Variants in MACROD2 observed in about 807,000 individuals in gnomAD.
The protein encoded by MACROD2 is ADP-ribose glycohydrolase MACROD2.
In MACROD2, 36 loss-of-function variants were observed where a neutral mutation model predicts 70.4. The ratio of observed to expected loss-of-function variants is 0.51; its 90% CI spans 0.39 to 0.68. MACROD2 has a LOEUF of 0.68. MACROD2 is among the 30% of genes least tolerant of loss of function. MACROD2 has a pLI of 0.00. For synonymous variants in MACROD2, 172 were observed against 178.8 expected (o/e 0.96, Z 0.30); for missense variants, 496 against 538.4 (o/e 0.92, Z 0.78).
chr20:14,543,581 A>C (rs1291397023), intron 4 of MACROD2, among the ~76,000 whole-genome samples: 3 of 152,174 alleles, frequency 2.0e-5, no homozygotes, highest in Non-Finnish European at 2.9e-5. Context: ...TCTTCCATAC[A>C]TTTAGAAACT....
chr20:16,003,693 C>G (rs1175266735), intron 15 of MACROD2, among the ~76,000 whole-genome samples: 1 of 152,106 alleles, frequency 6.6e-6, no homozygotes, highest in East Asian at 1.9e-4. Flanking sequence ...CTTTTAGAGA[C>G]AGAGTCTCAC....
intron 8 of MACROD2, among the ~76,000 whole-genome samples, chr20:15,589,688 T>C (rs756175343): frequency 1.6e-4 from 24 of 152,228 alleles, no homozygotes; most frequent in Admixed American, 7.2e-4. Flanking sequence ...CATCCCTTCC[T>C]TCCAGCAATC....
At chr20:14,861,791 A>C (rs1262472368) in intron 5 of MACROD2, among the ~76,000 whole-genome samples, 1 of 149,150 alleles carries the variant, frequency 6.7e-6, no homozygotes, top group Non-Finnish European at 1.5e-5. Flanking sequence ...CCGAAGGGCT[A>C]ACCCCATCTG....
chr20:15,121,083 T>C (rs937314370), intron 5 of MACROD2, among the ~76,000 whole-genome samples: 3 of 152,242 alleles, frequency 2.0e-5, no homozygotes, highest in Admixed American at 6.5e-5. Flanking sequence ...CAATTCCATT[T>C]GATACAGCTA....
At chr20:13,999,209 G>T (rs942563415) in intron 1 of MACROD2, among the ~76,000 whole-genome samples, 19 of 151,992 alleles carry the variant, frequency 1.3e-4, no homozygotes, top group African/African-American at 4.6e-4. Flanking sequence ...GTGTCTTCAG[G>T]TTCCTCTCCA....
At chr20:14,889,283 G>A (rs1052370950) in intron 5 of MACROD2, among the ~76,000 whole-genome samples, 1 of 152,250 alleles carries the variant, frequency 6.6e-6, no homozygotes, top group South Asian at 2.1e-4. Flanking sequence ...AACAGGAGAA[G>A]ATCTCTGCCC....
chr20:14,853,891 G>A (rs1842480102), intron 5 of MACROD2, among the ~76,000 whole-genome samples: 1 of 152,130 alleles, frequency 6.6e-6, no homozygotes, highest in Admixed American at 6.5e-5. Flanking sequence ...GGAAATGTAA[G>A]AGGAACCATT....
intron 8 of MACROD2, among the ~76,000 whole-genome samples, chr20:15,622,807 T>G (rs2049147713): frequency 6.6e-6 from 1 of 152,196 alleles, no homozygotes; most frequent in South Asian, 2.1e-4. Context: ...TACGGTGTAT[T>G]GTTATAATTG....
At chr20:15,223,883 G>C (rs1232379639) in intron 5 of MACROD2, among the ~76,000 whole-genome samples, 1 of 152,164 alleles carries the variant, frequency 6.6e-6, no homozygotes, top group South Asian at 2.1e-4. Flanking sequence ...TATTGTGGTA[G>C]TGATGCTGTG....
At chr20:15,683,207 A>G (rs777453973) in intron 8 of MACROD2, among the ~76,000 whole-genome samples, 8 of 152,216 alleles carry the variant, frequency 5.3e-5, no homozygotes, top group Non-Finnish European at 8.8e-5. Context: ...TCTCTGCCAG[A>G]GTTGCAGCCT....
chr20:15,570,523 A>T (rs1180657029), intron 8 of MACROD2, among the ~76,000 whole-genome samples: 1 of 152,196 alleles, frequency 6.6e-6, no homozygotes, highest in Non-Finnish European at 1.5e-5. Flanking sequence ...AAAGAAATTG[A>T]TTGGCTCTAG....
intron 5 of MACROD2, among the ~76,000 whole-genome samples, chr20:14,760,489 A>G (rs1402148239): frequency 6.6e-6 from 1 of 152,072 alleles, no homozygotes; most frequent in African/African-American, 2.4e-5. Context: ...GGAAGTTATT[A>G]ATACTCACTA....
intron 3 of MACROD2, among the ~76,000 whole-genome samples, chr20:14,352,781 A>ATT (rs200995382): frequency 6.9e-6 from 1 of 144,192 alleles, no homozygotes; most frequent in Non-Finnish European, 1.5e-5. Flanking sequence ...TATGTGATCC[A>ATT]TTTTTTTTTT....
In MACROD2 at chr20:15,896,219, T is replaced by A. The variant is rs73614477; in HGVS notation, c.775+10408T>A. Among the ~76,000 whole-genome samples, 591 of 152,264 alleles carry A rather than the reference T, an allele frequency of 3.9e-3. 2 individuals carry two copies. The highest frequency in any genetic ancestry group is 0.023 in the South Asian group (113 of 4,828). On this transcript the variant is annotated intron_variant, in intron 10 of 17. Transcript: ENST00000684519. The stretch of plus-strand genomic sequence containing the variant: ...CTCCTGGTATTTTTATTTATAGATC[T>A]CTCAGCTTAATGCCCCAACACTTGG...
At chr20:15,641,602 CA>C (rs1162111127) in intron 8 of MACROD2, among the ~76,000 whole-genome samples, 1 of 152,114 alleles carries the variant, frequency 6.6e-6, no homozygotes, top group African/African-American at 2.4e-5. Context: ...AAAATAAAAA[CA>C]GGGGCAGCGT....
At chr20:15,460,848 T>G (rs1237088891) in intron 7 of MACROD2, among the ~76,000 whole-genome samples, 2 of 151,560 alleles carry the variant, frequency 1.3e-5, no homozygotes, top group African/African-American at 4.9e-5. Context: ...TCAACTGTTT[T>G]CAGAATGAGC....
At chr20:14,887,475 C>T (rs2073694112) in intron 5 of MACROD2, among the ~76,000 whole-genome samples, 1 of 151,402 alleles carries the variant, frequency 6.6e-6, no homozygotes, top group African/African-American at 2.4e-5. Context: ...TCAGTGCAAC[C>T]TCTGCCTCTA....
rs1177498607 is a variant in MACROD2 at position 15,234,012 on chromosome 20, C to CTTTTTTTTTTTTTTTTTTT, written c.540+3970_540+3988dup. Among the ~76,000 whole-genome samples the CTTTTTTTTTTTTTTTTTTT allele has an allele frequency of 2.1e-4, 6 of 29,184 alleles. 1 individual carries two copies. The highest frequency in any genetic ancestry group is 2.9e-4 in the Non-Finnish European group (5 of 17,364). The allele number at this position is 29,184 out of a possible 152,430, so 19.1% of individuals were successfully genotyped here. On this transcript the variant is annotated intron_variant, in intron 6 of 17. Coordinates refer to ENST00000684519, the MANE Select transcript of MACROD2 (RefSeq NM_001351661.2). The stretch of plus-strand genomic sequence containing the variant: ...ATATATATATATATATATATATATT[C>CTTTTTTTTTTTTTTTTTTT]TTTTTTTTTTTTTTTTTTTTTTTTT...
At chr20:15,706,983 TG>T (rs1184783738) in intron 8 of MACROD2, among the ~76,000 whole-genome samples, 1 of 152,196 alleles carries the variant, frequency 6.6e-6, no homozygotes, top group African/African-American at 2.4e-5. Context: ...GATGGCTTTC[TG>T]GATAAATATT....
Sources: allele counts gnomAD v4.1 joint callset (sites outside exome capture counted in the v4.1 genomes callset), GRCh38; gene constraint gnomAD v4.1.1; transcripts MANE v1.5; gene names NCBI Gene and HGNC (gene_info 2026-07-23, HGNC 2026-07-21).